Variants in SNPH observed in about 807,000 individuals in gnomAD.
SNPH encodes syntaphilin.
In SNPH, 10 loss-of-function variants were observed where a neutral mutation model predicts 36.8. The observed-to-expected ratio is 0.27, with a 90% CI of 0.17 to 0.46. The LOEUF is 0.46. Among genes scored for constraint, SNPH ranks in the 20% least tolerant of loss-of-function variants. SNPH has a pLI of 1.00. For missense variants in SNPH, 622 were observed against 744.0 expected (o/e 0.84, Z 1.91); for synonymous variants, 281 against 312.2 (o/e 0.90, Z 1.05).
rs758429519 is a variant in SNPH at position 1,296,400 on chromosome 20, G to A, written c.161G>A (p.Arg54Gln). 44 of 1,603,562 alleles carry A rather than the reference G, an allele frequency of 2.7e-5. No homozygotes were observed. Among genetic ancestry groups the A allele is most frequent in the African/African-American group, 4.1e-5 (3 of 74,042 alleles). ...GCCATGTCCCTGCCAGGAAGTAGAC[G>A]GACCTCTGCTGGATCACGCAGGTGA... Reference protein sequence around the residue: ...LMAMSLPGSRRTSAGSRRRTS... With the variant: ...LMAMSLPGSRQTSAGSRRRTS... Residue 54 changes from arginine to glutamine, a missense_variant, in exon 4 of 7, where the codon CGG becomes CAG. Coordinates refer to ENST00000381867, the MANE Select transcript of SNPH (RefSeq NM_001318234.2).
chr20:1,284,903 T>C (rs2088267044), intron 2 of SNPH, among the ~76,000 whole-genome samples: 1 of 152,142 alleles, frequency 6.6e-6, no homozygotes, highest in Admixed American at 6.5e-5. Context: ...CTGATCCAAT[T>C]TGTGTTCTAA....
chr20:1,278,151 T>TGTGTGTCTGTGCCG (rs2088174783), intron 2 of SNPH, among the ~76,000 whole-genome samples: 3 of 151,522 alleles, frequency 2.0e-5, no homozygotes, highest in African/African-American at 7.3e-5. Flanking sequence ...TGCCTATGTG[T>TGTGTGTCTGTGCCG]GTGTGTCTGT....
chr20:1,275,774 A>G (rs1424163862), intron 2 of SNPH, among the ~76,000 whole-genome samples: 2 of 152,130 alleles, frequency 1.3e-5, no homozygotes, highest in Non-Finnish European at 2.9e-5. Flanking sequence ...AGAGCTAGAG[A>G]AGGACATTTT....
In SNPH at chr20:1,285,926, C is replaced by A. The variant is rs1006649970; in HGVS notation, c.-492-9025C>A. 6.6e-6 allele frequency among the ~76,000 whole-genome samples: 1 copy of A among 151,910 alleles called. No individual in the cohort carries two copies. Among genetic ancestry groups the A allele is most frequent in the African/African-American group, 2.4e-5 (1 of 41,328 alleles). On this transcript the variant is annotated intron_variant, in intron 2 of 6. Coordinates refer to ENST00000381867, the MANE Select transcript of SNPH (RefSeq NM_001318234.2). This position sits in a 1 kb window ranked among gnomAD's most constrained non-coding sequence, Gnocchi z 4.9. ...CCTGGCCAATATGGTGAAACCCCGT[C>A]TCTACTAAAAATACAAAAATTAGCC...
In SNPH at chr20:1,276,081, C is replaced by T. The variant is rs1432571675; in HGVS notation, c.-493+9321C>T. On this transcript the variant is annotated intron_variant, in intron 2 of 6. Coordinates refer to ENST00000381867, the MANE Select transcript of SNPH (RefSeq NM_001318234.2). This position sits in a 1 kb window ranked among gnomAD's most constrained non-coding sequence, Gnocchi z 4.6. ...CTGTGCTCTCAGAGGATGGAGAGGA[C>T]CTGACCCCTCCACACCCTCCTGTTC... is the stretch of plus-strand genomic sequence containing the variant. Among the ~76,000 whole-genome samples, 2 of 152,310 alleles carry T rather than the reference C, an allele frequency of 1.3e-5. No homozygotes were observed. Among genetic ancestry groups the T allele is most frequent in the African/African-American group, 4.8e-5 (2 of 41,578 alleles).
Position 1,306,213 on chromosome 20 carries a change from AG to A in SNPH, c.*163del. 1.6e-6 allele frequency: 1 copy of A among 624,734 alleles called. No individual in the cohort carries two copies. Among genetic ancestry groups the A allele is most frequent in the Non-Finnish European group, 2.4e-6 (1 of 416,786 alleles). 38.7% of individuals were successfully genotyped at this position (624,734 alleles called of 1,614,324 possible). ...GTTAAAACAGTCCCGTGGAAGGAGC[AG>A]GGGTTGGAGAAAGGCATCCCAAAGC... On this transcript the variant is annotated 3_prime_UTR_variant, in exon 7 of 7. Transcript: ENST00000381867.
intron 5 of SNPH, among the ~76,000 whole-genome samples, chr20:1,299,099 C>T (rs1296606693): frequency 6.6e-6 from 1 of 151,986 alleles, no homozygotes; most frequent in Non-Finnish European, 1.5e-5. Context: ...GACCTAGGGG[C>T]CATGACGTGA....
intron 2 of SNPH, among the ~76,000 whole-genome samples, chr20:1,284,762 G>A (rs1345979551): frequency 2.0e-5 from 3 of 152,130 alleles, no homozygotes; most frequent in Non-Finnish European, 4.4e-5. Flanking sequence ...ATGAGGGGGA[G>A]AGGTGATGAG....
chr20:1,272,720 G>A (rs768720851), intron 2 of SNPH, among the ~76,000 whole-genome samples: 1 of 152,270 alleles, frequency 6.6e-6, no homozygotes, highest in Admixed American at 6.5e-5. Context: ...AGGAAGGCTG[G>A]AAAGGCAGCC....
At chr20:1,298,682 A>C (rs1301911903) in intron 5 of SNPH, among the ~76,000 whole-genome samples, 1 of 152,144 alleles carries the variant, frequency 6.6e-6, no homozygotes, top group Non-Finnish European at 1.5e-5. Flanking sequence ...TCTTCCCCAC[A>C]ACAAGGGTTG....
chr20:1,277,901 A>G (rs550652668), intron 2 of SNPH, among the ~76,000 whole-genome samples: 3,887 of 65,272 alleles, frequency 0.06, 77 homozygotes, highest in South Asian at 0.2. Context: ...CTGTGTATGT[A>G]TCTGTGTGTG....
chr20:1,298,909 C>T (rs931657642), intron 5 of SNPH, among the ~76,000 whole-genome samples: 3 of 148,768 alleles, frequency 2.0e-5, no homozygotes, highest in South Asian at 2.1e-4. Context: ...AATTTTATAT[C>T]GGGGAAAATA....
intron 2 of SNPH, among the ~76,000 whole-genome samples, chr20:1,288,621 T>A (rs1462503259): frequency 6.7e-6 from 1 of 149,134 alleles, no homozygotes; most frequent in Admixed American, 6.7e-5. Context: ...TTCTTTTTCT[T>A]TTTTTCTTTT....
rs1333246626 is a variant in SNPH at position 1,273,567 on chromosome 20, G to C, written c.-493+6807G>C. On this transcript the variant is annotated intron_variant, in intron 2 of 6. Transcript: ENST00000381867. ...GGAATGTGGGTGGTGCACAGGGCCT[G>C]ACACATAGAAATATTAACAACAGCT... 2.0e-5 allele frequency among the ~76,000 whole-genome samples: 3 copies of C among 152,212 alleles called. No individual in the cohort carries two copies. In the East Asian group the frequency reaches 5.8e-4, roughly 29 times the overall value.
chr20:1,290,478 A>G (rs1008317587), intron 2 of SNPH, among the ~76,000 whole-genome samples: 38 of 152,190 alleles, frequency 2.5e-4, no homozygotes, highest in African/African-American at 7.5e-4. Flanking sequence ...CATTTAGCAT[A>G]ATGTTGTCAA....
At chr20:1,291,311 G>A (rs542136739) in intron 2 of SNPH, among the ~76,000 whole-genome samples, 24 of 152,226 alleles carry the variant, frequency 1.6e-4, no homozygotes, top group Non-Finnish European at 7.3e-5. Flanking sequence ...CAGCTTTGAG[G>A]GTGGCTTGTG....
At chr20:1,287,423 C>G (rs999647674) in intron 2 of SNPH, among the ~76,000 whole-genome samples, 1 of 151,766 alleles carries the variant, frequency 6.6e-6, no homozygotes, top group African/African-American at 2.4e-5. Context: ...TTAATTTTTG[C>G]CCTGGTGAGG....
chr20:1,275,584 C>T (rs764911696), intron 2 of SNPH, among the ~76,000 whole-genome samples: 1 of 152,152 alleles, frequency 6.6e-6, no homozygotes, highest in Non-Finnish European at 1.5e-5. Context: ...GGCTGAGCTA[C>T]CAAATACCTG....
At chr20:1,280,207 CAT>C (rs757913625) in intron 2 of SNPH, among the ~76,000 whole-genome samples, 27 of 152,272 alleles carry the variant, frequency 1.8e-4, no homozygotes, top group African/African-American at 3.9e-4. Context: ...ATCACACACA[CAT>C]GTGTGTGTGT....
Sources: allele counts gnomAD v4.1 joint callset (sites outside exome capture counted in the v4.1 genomes callset), GRCh38; gene constraint gnomAD v4.1.1; non-coding constraint Gnocchi (gnomAD v3.1); transcripts MANE v1.5; gene names NCBI Gene and HGNC (gene_info 2026-07-23, HGNC 2026-07-21).